The following CCDC196 variants were observed in gnomAD, a reference collection of about 807,000 sequenced individuals.
The protein encoded by CCDC196 is coiled-coil domain containing 196.
At chr14:66,497,463 G>C (rs184678265) in intron 8 of CCDC196, among the ~76,000 whole-genome samples, 2 of 152,016 alleles carry the variant, frequency 1.3e-5, no homozygotes, top group African/African-American at 4.8e-5. Flanking sequence ...ATCATATTTA[G>C]CAAATAAAAA....
intron 3 of CCDC196, 120 bp downstream of exon 3, chr14:66,488,376 T>C (rs931658296): frequency 2.5e-6 from 1 of 396,650 alleles, no homozygotes; most frequent in South Asian, 1.4e-4. Flanking sequence ...CCAACACTCA[T>C]ATCTCCTTGA....
At chr14:66,492,528 G>T (rs1213272824) in intron 8 of CCDC196, among the ~76,000 whole-genome samples, 1 of 151,910 alleles carries the variant, frequency 6.6e-6, no homozygotes, top group Non-Finnish European at 1.5e-5. Flanking sequence ...TTTTAGTAGA[G>T]ACGGGGTTTC....
chr14:66,486,711 A>G lies in CCDC196; in HGVS notation c.105A>G (p.Leu35=), dbSNP rs557240891. 3 of 413,482 alleles carry G rather than the reference A, an allele frequency of 7.3e-6. No homozygotes were observed. Among genetic ancestry groups the G allele is most frequent in the East Asian group, 7.1e-5 (2 of 28,060 alleles). The allele number at this position is 413,482 out of a possible 1,614,324, so 25.6% of individuals were successfully genotyped here. A position where few individuals can be genotyped will look rare whatever the true frequency, so the allele number is the denominator to read the frequency against. The change falls in exon 2 of 10, where the codon CTA becomes CTG. Residue 35 remains leucine, a synonymous_variant. Coordinates refer to ENST00000636229, the MANE Select transcript of CCDC196 (RefSeq NM_001351576.1). The part of the protein sequence containing the change: ...YLKELNEDLK[L]RKQELLEMLK... ...AGGAATTGAATGAGGACTTAAAGCT[A>G]AGGAAGCAGGAACTGCTAGAGATGC...
intron 8 of CCDC196, chr14:66,495,877 G>A (rs1341974099): frequency 5.9e-6 from 1 of 168,988 alleles, no homozygotes; most frequent in Non-Finnish European, 1.3e-5. Context: ...ATTAGACCAT[G>A]TTAAACTCAG....
At chr14:66,490,688 C>T (rs1464488227) in intron 4 of CCDC196, 54 bp from the exon 5 acceptor site, 1 of 398,802 alleles carries the variant, frequency 2.5e-6, no homozygotes, top group Non-Finnish European at 4.4e-6. Context: ...TGGTTTTCCA[C>T]TTCCCTCTTT....
At chr14:66,495,636 T>G (rs2057645981) in intron 8 of CCDC196, 1 of 152,292 alleles carries the variant, frequency 6.6e-6, no homozygotes, top group Non-Finnish European at 1.5e-5. Context: ...ATTTGTTCAG[T>G]AAGAAAATGT....
chr14:66,490,224 A>G (rs568721175), intron 4 of CCDC196, among the ~76,000 whole-genome samples: 381 of 128,014 alleles, frequency 3.0e-3, no homozygotes, highest in African/African-American at 0.016. Flanking sequence ...AGGGACATCT[A>G]TACACTTAAC....
intron 4 of CCDC196, 111 bp downstream of exon 4, chr14:66,489,148 G>A (rs1233775070): frequency 4.9e-6 from 2 of 409,840 alleles, no homozygotes; most frequent in Non-Finnish European, 4.4e-6. Context: ...TTCCACCCAT[G>A]CCTCATTCCA....
At chr14:66,489,283 T>C (rs770322911) in intron 4 of CCDC196, among the ~76,000 whole-genome samples, 26 of 152,224 alleles carry the variant, frequency 1.7e-4, no homozygotes, top group Admixed American at 5.9e-4. Context: ...TTCTCCAGTT[T>C]CCTCTCATAG....
At chr14:66,492,339 C>T (rs1594741481) in intron 8 of CCDC196, 145 bp downstream of exon 8, 8 of 298,842 alleles carry the variant, frequency 2.7e-5, no homozygotes, top group South Asian at 1.7e-4. Flanking sequence ...TTTTCATTAT[C>T]TTTTTTTTTT....
intron 6 of CCDC196, 41 bp from the exon 7 acceptor site, chr14:66,491,585 C>A: frequency 2.4e-6 from 1 of 413,616 alleles, no homozygotes; most frequent in Non-Finnish European, 4.4e-6. Context: ...GATTGCTGAT[C>A]TCAATTTACT....
In CCDC196 at chr14:66,488,871, G is replaced by C. The variant is rs2057470875; in HGVS notation, c.301-116G>C. 3 of 408,906 alleles carry C rather than the reference G, an allele frequency of 7.3e-6. No homozygotes were observed. In the East Asian group the frequency reaches 1.1e-4, roughly 15 times the overall value. 25.3% of individuals were successfully genotyped at this position (408,906 alleles called of 1,614,324 possible). ...AGACCCATTCATTGCCTTCCTCTGT[G>C]GTTTACTATGTCCCTGGACCCTTTT... On this transcript the variant is annotated intron_variant, in intron 3 of 9. Coordinates refer to ENST00000636229, the MANE Select transcript of CCDC196 (RefSeq NM_001351576.1).
intron 8 of CCDC196, 48 bp from the exon 9 acceptor site, chr14:66,498,061 T>C: frequency 2.4e-6 from 1 of 411,244 alleles, no homozygotes; most frequent in Non-Finnish European, 4.4e-6. Context: ...GTTTTTTTTT[T>C]TTTTCCCCCT....
chr14:66,486,374 G>T lies in CCDC196; in HGVS notation c.-129G>T. ...GTATTAGGGCCATTGTGACCTCGCT[G>T]TAGCTAAGATCAGTCCACTGCAGCA... On this transcript the variant is annotated 5_prime_UTR_variant, in exon 1 of 10. Transcript: ENST00000636229. 1 of 397,196 alleles carries T rather than the reference G, an allele frequency of 2.5e-6. No individual in the cohort carries two copies. The highest frequency in any genetic ancestry group is 3.6e-5 in the East Asian group (1 of 28,050). 24.6% of individuals were successfully genotyped at this position (397,196 alleles called of 1,614,324 possible). A position where few individuals can be genotyped will look rare whatever the true frequency, so the allele number is the denominator to read the frequency against.
In CCDC196 at chr14:66,498,406, G is replaced by A; in HGVS notation, c.828G>A (p.Gln276=). 2.4e-6 allele frequency: 1 copy of A among 413,414 alleles called. No homozygotes were observed. Among genetic ancestry groups the A allele is most frequent in the East Asian group, 3.6e-5 (1 of 28,070 alleles). The allele number at this position is 413,414 out of a possible 1,614,324, so 25.6% of individuals were successfully genotyped here. A position where few individuals can be genotyped will look rare whatever the true frequency, so the allele number is the denominator to read the frequency against. The change falls in exon 10 of 10, where the codon CAG becomes CAA. Residue 276 remains glutamine, a synonymous_variant. Transcript: ENST00000636229. ...AACAACAAGGAACTAAAGGAAGTCA[G>A]CTTGATAATACAGGAGGGAGACTCT... is the stretch of plus-strand genomic sequence containing the variant. ...YTEQQGTKGS[Q]LDNTGGRLFF...
At chr14:66,487,878 C>G (rs2057445865) in intron 2 of CCDC196, among the ~76,000 whole-genome samples, 1 of 152,136 alleles carries the variant, frequency 6.6e-6, no homozygotes, top group South Asian at 2.1e-4. Flanking sequence ...CTGCAACATT[C>G]TTCTGAGGGG....
chr14:66,491,428 C>T (rs2057532679), intron 6 of CCDC196, among the ~76,000 whole-genome samples, 198 bp from the exon 7 acceptor site: 1 of 152,206 alleles, frequency 6.6e-6, no homozygotes, highest in Middle Eastern at 3.2e-3. Flanking sequence ...AACTCACCAA[C>T]ATAAAATAAC....
intron 6 of CCDC196, 30 bp from the exon 7 acceptor site, chr14:66,491,596 T>C: frequency 2.4e-6 from 1 of 413,770 alleles, no homozygotes; most frequent in East Asian, 3.6e-5. Context: ...TCAATTTACT[T>C]TGTCACCCAG....
intron 8 of CCDC196, among the ~76,000 whole-genome samples, chr14:66,492,490 C>T (rs1040765056): frequency 6.6e-6 from 1 of 151,968 alleles, no homozygotes; most frequent in Non-Finnish European, 1.5e-5. Context: ...TACAGGCACG[C>T]ACCACCATGC....
Sources: gnomAD v4.1 joint callset for allele counts (sites outside exome capture counted in the v4.1 genomes callset) on GRCh38, gnomAD v4.1.1 for gene constraint, MANE v1.5 for transcripts, NCBI Gene and HGNC (gene_info 2026-07-23, HGNC 2026-07-21) for gene names.